The following PAM variants were observed in gnomAD, a reference collection of about 807,000 sequenced individuals.
The protein encoded by PAM is peptidylglycine alpha-amidating monooxygenase.
In PAM, 72 loss-of-function variants were observed where a neutral mutation model predicts 122.1. That is an observed-to-expected ratio of 0.59 (90% CI 0.49 to 0.72). The LOEUF (loss-of-function observed/expected upper bound fraction) is 0.72. Among genes scored for constraint, PAM ranks in the 30% least tolerant of loss-of-function variants. PAM has a pLI of 0.00. For synonymous variants in PAM, 389 were observed against 404.4 expected, an observed-to-expected ratio of 0.96 and a Z score of 0.46; for missense variants, 1,106 against 1,183.7, an observed-to-expected ratio of 0.93 and a Z score of 0.96.
At chr5:102,873,298 C>T (rs1788109115) in intron 3 of PAM, 1 of 152,208 alleles carries the variant, frequency 6.6e-6, no homozygotes. Context: ...CATAGGCTAG[C>T]TTGACTTTGA....
intron 1 of PAM, among the ~76,000 whole-genome samples, chr5:102,828,049 C>G (rs1170182103): frequency 6.6e-6 from 1 of 152,078 alleles, no homozygotes; most frequent in Non-Finnish European, 1.5e-5. Context: ...CTTAAATGTT[C>G]TATTCATGGC....
intron 1 of PAM, among the ~76,000 whole-genome samples, chr5:102,771,647 A>C (rs1467826426): frequency 6.6e-6 from 1 of 152,136 alleles, no homozygotes; most frequent in Non-Finnish European, 1.5e-5. Flanking sequence ...TGGAGGAGTG[A>C]CCTTTCAAAT....
chr5:102,969,979 G>A (rs1489399388), intron 14 of PAM, among the ~76,000 whole-genome samples: 1 of 152,172 alleles, frequency 6.6e-6, no homozygotes, highest in Non-Finnish European at 1.5e-5. Context: ...ACAGATGATA[G>A]GTGGAGAAGA....
intron 1 of PAM, among the ~76,000 whole-genome samples, chr5:102,787,555 G>A (rs887526746): frequency 2.0e-5 from 3 of 151,038 alleles, no homozygotes; most frequent in Non-Finnish European, 4.4e-5. Context: ...CCTGGGCTTA[G>A]TGAAAGGTAC....
chr5:102,969,527 T>TC (rs912834854), intron 14 of PAM, among the ~76,000 whole-genome samples: 1 of 152,028 alleles, frequency 6.6e-6, no homozygotes, highest in Non-Finnish European at 1.5e-5. Context: ...AAGATAAGAT[T>TC]CCCAAATGAG....
chr5:102,856,255 G>A (rs988982980), intron 1 of PAM, among the ~76,000 whole-genome samples: 7 of 152,126 alleles, frequency 4.6e-5, no homozygotes, highest in Non-Finnish European at 1.0e-4. Context: ...ATGTTTCAAG[G>A]AGAAAGTAGG....
At chr5:102,862,137 T>A (rs1784350591) in intron 1 of PAM, among the ~76,000 whole-genome samples, 1 of 140,366 alleles carries the variant, frequency 7.1e-6, no homozygotes, top group Non-Finnish European at 1.5e-5. Flanking sequence ...GCCACTGCAC[T>A]CCAGCCTGGG....
At chr5:102,801,237 C>T (rs1480638545) in intron 1 of PAM, among the ~76,000 whole-genome samples, 3 of 152,036 alleles carry the variant, frequency 2.0e-5, no homozygotes, top group Non-Finnish European at 4.4e-5. Flanking sequence ...TAAAATAAAA[C>T]AGGTTTTCTT....
At chr5:102,990,423 A>G (rs763310028) in intron 16 of PAM, 22 bp downstream of exon 16, 13 of 1,550,258 alleles carry the variant, frequency 8.4e-6, no homozygotes, top group East Asian at 2.3e-5. Context: ...TTTTTCTTCA[A>G]TAAGCAAATG....
At chr5:102,975,256 G>T (rs569505709) in intron 15 of PAM, among the ~76,000 whole-genome samples, 1 of 152,192 alleles carries the variant, frequency 6.6e-6, no homozygotes, top group African/African-American at 2.4e-5. Flanking sequence ...AGCTGTCCAT[G>T]TGTGGGTTGG....
At chr5:102,992,355 T>TC (rs1048762598) in intron 16 of PAM, among the ~76,000 whole-genome samples, 35 of 152,236 alleles carry the variant, frequency 2.3e-4, no homozygotes, top group Non-Finnish European at 4.6e-4. Flanking sequence ...CTATTTTTTT[T>TC]TCTCTCTTTC....
chr5:102,883,129 T>G (rs1189411121), intron 3 of PAM, among the ~76,000 whole-genome samples: 1 of 152,064 alleles, frequency 6.6e-6, no homozygotes, highest in Non-Finnish European at 1.5e-5. Context: ...GGCCTCATAG[T>G]ATAGTTTGAA....
chr5:102,757,379 A>G (rs80268669), intron 1 of PAM, among the ~76,000 whole-genome samples: 4,368 of 152,318 alleles, frequency 0.029, 109 homozygotes, highest in East Asian at 0.13. Context: ...GTGAGTTTGC[A>G]TAATTGGAAG....
intron 23 of PAM, among the ~76,000 whole-genome samples, chr5:103,020,567 G>T (rs1783269117): frequency 6.6e-6 from 1 of 152,132 alleles, no homozygotes; most frequent in Non-Finnish European, 1.5e-5. Context: ...CCTAGGATCA[G>T]TTTATGTTTG....
chr5:102,929,534 T>C (rs1750719640), intron 7 of PAM, among the ~76,000 whole-genome samples: 1 of 152,220 alleles, frequency 6.6e-6, no homozygotes, highest in South Asian at 2.1e-4. Flanking sequence ...ATTGTAAATC[T>C]GAAGCAGAGT....
chr5:102,859,714 C>T (rs919945168), intron 1 of PAM, among the ~76,000 whole-genome samples: 6 of 152,194 alleles, frequency 3.9e-5, no homozygotes, highest in Admixed American at 2.6e-4. Context: ...CTCACTCACT[C>T]AACCAGAGCT....
At chr5:103,020,304 G>A (rs939493326) in intron 23 of PAM, among the ~76,000 whole-genome samples, 6 of 152,048 alleles carry the variant, frequency 3.9e-5, no homozygotes, top group African/African-American at 1.2e-4. Flanking sequence ...AGCTTCTATC[G>A]TAGTACCATT....
intron 4 of PAM, among the ~76,000 whole-genome samples, chr5:102,908,925 T>C (rs769937118): frequency 2.0e-5 from 3 of 151,744 alleles, no homozygotes; most frequent in Non-Finnish European, 4.4e-5. Context: ...TCTCTGTACC[T>C]TTTTGGCTCA....
intron 16 of PAM, among the ~76,000 whole-genome samples, chr5:102,994,519 A>C (rs772479314): frequency 1.8e-4 from 27 of 152,222 alleles, no homozygotes; most frequent in Non-Finnish European, 2.2e-4. Context: ...ATATTATTTG[A>C]TCAGTGTTAC....
Sources: gnomAD v4.1 joint callset for allele counts (sites outside exome capture counted in the v4.1 genomes callset) on GRCh38, gnomAD v4.1.1 for gene constraint, MANE v1.5 for transcripts, NCBI Gene and HGNC (gene_info 2026-07-23, HGNC 2026-07-21) for gene names.